Variants in ANK2 observed in about 807,000 individuals in gnomAD.
ANK2 encodes the protein ankyrin 2, also known as ankyrin-2.
ANK2 carries 83 observed loss-of-function variants against 360.5 expected under a neutral mutation model. The ratio of observed to expected loss-of-function variants is 0.23; its 90% CI spans 0.19 to 0.28. ANK2 has a LOEUF of 0.28. Ranked by LOEUF, ANK2 falls within the 10% of genes least tolerant of loss-of-function variation. ANK2 has a pLI of 1.00. For synonymous variants in ANK2, 1,740 were observed against 1,759.5 expected (o/e 0.99, Z 0.28); for missense variants, 4,201 against 4,795.7 (o/e 0.88, Z 3.66).
chr4:113,267,785 AG>A (rs1236198306), intron 14 of ANK2, among the ~76,000 whole-genome samples: 1 of 152,242 alleles, frequency 6.6e-6, no homozygotes, highest in Non-Finnish European at 1.5e-5. Flanking sequence ...AATTCTGTGA[AG>A]AAAATCAACG....
intron 2 of ANK2, among the ~76,000 whole-genome samples, chr4:112,964,751 A>G (rs979186113): frequency 1.3e-5 from 2 of 151,676 alleles, no homozygotes; most frequent in Admixed American, 6.6e-5. Flanking sequence ...TTGTATTTTT[A>G]GTAGAGACGG....
chr4:112,896,973 G>A (rs1255627873), intron 1 of ANK2, among the ~76,000 whole-genome samples: 3 of 152,164 alleles, frequency 2.0e-5, no homozygotes, highest in South Asian at 2.1e-4. Flanking sequence ...GAAAGGGGAC[G>A]ATAACTCCTC....
chr4:112,964,500 A>T (rs1346409251), intron 2 of ANK2, among the ~76,000 whole-genome samples: 1 of 151,692 alleles, frequency 6.6e-6, no homozygotes, highest in Non-Finnish European at 1.5e-5. Context: ...GTTGCAAATG[A>T]CTGAATCTCA....
At chr4:112,911,290 G>A (rs2087250027) in intron 2 of ANK2, among the ~76,000 whole-genome samples, 1 of 148,796 alleles carries the variant, frequency 6.7e-6, no homozygotes, top group African/African-American at 2.5e-5. Context: ...GGCGGATCAC[G>A]AGGTCAGGAG....
chr4:112,952,356 TAAC>T (rs1380320578), intron 2 of ANK2, among the ~76,000 whole-genome samples: 2 of 152,276 alleles, frequency 1.3e-5, no homozygotes, highest in Non-Finnish European at 2.9e-5. Flanking sequence ...TTATATAACT[TAAC>T]TATTAAAACT....
intron 9 of ANK2, among the ~76,000 whole-genome samples, chr4:113,247,824 A>T (rs2153594760): frequency 6.6e-6 from 1 of 152,338 alleles, no homozygotes; most frequent in East Asian, 1.9e-4. Context: ...CTCAAACCCT[A>T]GGTCTCCACA....
chr4:112,868,364 C>A (rs2071509901), intron 1 of ANK2, among the ~76,000 whole-genome samples: 1 of 152,186 alleles, frequency 6.6e-6, no homozygotes, highest in Admixed American at 6.5e-5. Flanking sequence ...ACTTCATCAC[C>A]TTATGGTGGA....
chr4:113,263,525 C>T (rs2054234871), intron 13 of ANK2, among the ~76,000 whole-genome samples: 1 of 152,116 alleles, frequency 6.6e-6, no homozygotes, highest in Non-Finnish European at 1.5e-5. Flanking sequence ...TTTCTCATAA[C>T]TTCAAAAGAA....
intron 1 of ANK2, chr4:112,826,920 G>T: frequency 6.5e-7 from 1 of 1,532,022 alleles, no homozygotes; most frequent in Non-Finnish European, 9.0e-7. Flanking sequence ...AAATGCCTGT[G>T]TCTTAGCAAC....
chr4:113,364,967 A>C, intron 40 of ANK2, 72 bp from the exon 41 acceptor site: 1 of 1,582,336 alleles, frequency 6.3e-7, no homozygotes, highest in East Asian at 2.2e-5. Context: ...AAATTTAGTA[A>C]GGCAGTTGAG....
intron 1 of ANK2, among the ~76,000 whole-genome samples, chr4:113,171,219 C>T (rs540963665): frequency 2.5e-4 from 38 of 152,282 alleles, no homozygotes; most frequent in African/African-American, 8.9e-4. Context: ...ATTGCTGTAT[C>T]TCTCTCCCTG....
intron 16 of ANK2, 42 bp from the exon 17 acceptor site, chr4:113,278,418 C>A: frequency 6.3e-7 from 1 of 1,577,810 alleles, no homozygotes; most frequent in Admixed American, 1.7e-5. Context: ...GGGCAGCTAA[C>A]CCTAATTTAT....
At chr4:113,238,206 A>C (rs1243631208) in intron 7 of ANK2, among the ~76,000 whole-genome samples, 7 of 152,296 alleles carry the variant, frequency 4.6e-5, no homozygotes, top group South Asian at 4.1e-4. Flanking sequence ...TAAGAACATT[A>C]AGTTCAGAAG....
At chr4:113,351,083 C>A (rs1030705371) in intron 37 of ANK2, among the ~76,000 whole-genome samples, 21 of 152,130 alleles carry the variant, frequency 1.4e-4, no homozygotes, top group African/African-American at 5.1e-4. Context: ...TAGTGACTCT[C>A]TGGCTTCTTG....
At chr4:113,143,494 T>C (rs1582916352) in intron 1 of ANK2, among the ~76,000 whole-genome samples, 1 of 152,168 alleles carries the variant, frequency 6.6e-6, no homozygotes, top group African/African-American at 2.4e-5. Context: ...CTAGAGATAA[T>C]TTTTAAGGTT....
chr4:113,006,317 G>C (rs1195291524), intron 2 of ANK2, among the ~76,000 whole-genome samples: 2 of 152,036 alleles, frequency 1.3e-5, no homozygotes, highest in Admixed American at 6.5e-5. Flanking sequence ...GGAGGGAAAA[G>C]CTCCCACATT....
At chr4:113,332,157 T>G in intron 28 of ANK2, 87 bp downstream of exon 28, 5 of 1,169,662 alleles carry the variant, frequency 4.3e-6, no homozygotes, top group Non-Finnish European at 6.4e-6. Flanking sequence ...TTTGTCATTG[T>G]GCCCATGACA....
At chr4:112,820,717 G>A (rs543736944) in intron 1 of ANK2, among the ~76,000 whole-genome samples, 43 of 152,186 alleles carry the variant, frequency 2.8e-4, no homozygotes, top group African/African-American at 1.0e-3. Context: ...TTACAGGCAT[G>A]AGCCACTGTG....
Position 113,242,152 on chromosome 4 carries a change from T to C in ANK2, c.834T>C (p.Asn278=), listed in dbSNP as rs1057523315. Reference sequence around the variant, plus strand: ...TGCATGTGGCTTCCAAAAGAGGAAATACAAACATGGTGAAGCTCTTACTGG... The same window carrying C: ...TGCATGTGGCTTCCAAAAGAGGAAACACAAACATGGTGAAGCTCTTACTGG... The part of the protein sequence containing the change: ...TPLHVASKRG[N]TNMVKLLLDR... The change falls in exon 9 of 46, where the codon AAT becomes AAC. Residue 278 remains asparagine, a synonymous_variant. Coordinates refer to ENST00000357077, the MANE Select transcript of ANK2 (RefSeq NM_001148.6). 1.9e-6 allele frequency: 3 copies of C among 1,613,988 alleles called. No individual in the cohort carries two copies. Among genetic ancestry groups the C allele is most frequent in the South Asian group, 2.2e-5 (2 of 91,080 alleles).
Sources: allele counts gnomAD v4.1 joint callset (sites outside exome capture counted in the v4.1 genomes callset), GRCh38; gene constraint gnomAD v4.1.1; transcripts MANE v1.5; gene names NCBI Gene and HGNC (gene_info 2026-07-23, HGNC 2026-07-21).